The following KIT variants were observed in gnomAD, a reference collection of about 807,000 sequenced individuals.
The protein encoded by KIT is KIT proto-oncogene, receptor tyrosine kinase, also known as mast/stem cell growth factor receptor Kit.
In KIT, 16 loss-of-function variants were observed where a neutral mutation model predicts 105.7. The observed-to-expected ratio is 0.15, with a 90% confidence interval of 0.10 to 0.23. The LOEUF is 0.23. Among genes scored for constraint, KIT ranks in the 10% least tolerant of loss-of-function variants. KIT has a pLI of 1.00. For missense variants in KIT, 858 were observed against 1,213.8 expected (o/e 0.71, Z 4.36); for synonymous variants, 438 against 441.1 (o/e 0.99, Z 0.09).
At chr4:54,658,391 T>G (rs770241096) in intron 1 of KIT, among the ~76,000 whole-genome samples, 3 of 151,954 alleles carry the variant, frequency 2.0e-5, no homozygotes, top group Non-Finnish European at 4.4e-5. Context: ...GTGGCTTTTG[T>G]GCCGACGTTG....
At chr4:54,665,515 G>T (rs756464026) in intron 1 of KIT, among the ~76,000 whole-genome samples, 1 of 152,134 alleles carries the variant, frequency 6.6e-6, no homozygotes, top group African/African-American at 2.4e-5. Flanking sequence ...TAAGAGACAC[G>T]AGGAGGATAA....
At chr4:54,728,420 T>G (rs1385844595) in intron 13 of KIT, among the ~76,000 whole-genome samples, 1 of 152,186 alleles carries the variant, frequency 6.6e-6, no homozygotes, top group East Asian at 1.9e-4. Context: ...TCTTGTAAGC[T>G]TTATACATTT....
intron 7 of KIT, among the ~76,000 whole-genome samples, chr4:54,716,693 C>A (rs368184029): frequency 1.3e-5 from 2 of 152,050 alleles, no homozygotes; most frequent in Non-Finnish European, 2.9e-5. Context: ...AGGAGCGAGG[C>A]GGGACTCTGA....
In KIT at chr4:54,672,285, G is replaced by A. The variant is rs545520663; in HGVS notation, c.67+14204G>A. Among the ~76,000 whole-genome samples, 20 of 148,582 alleles carry A rather than the reference G, an allele frequency of 1.3e-4. No individual in the cohort carries two copies. In the East Asian group the frequency reaches 2.5e-3, roughly 19 times the overall value. On this transcript the variant is annotated intron_variant, in intron 1 of 20. Transcript: ENST00000288135. ...TTTCCTGTAAATTGGTGACTTAGAC[G>A]TTTGATCATACTCAGTTTGATTTTT... is the stretch of plus-strand genomic sequence containing the variant.
intron 3 of KIT, among the ~76,000 whole-genome samples, chr4:54,699,051 G>A (rs764132196): frequency 3.9e-5 from 6 of 152,182 alleles, no homozygotes; most frequent in African/African-American, 9.7e-5. Flanking sequence ...TGGTTGTGCC[G>A]TTATGTAGAA....
chr4:54,712,242 A>G (rs1346796063), intron 7 of KIT, among the ~76,000 whole-genome samples: 2 of 152,214 alleles, frequency 1.3e-5, no homozygotes, highest in East Asian at 1.9e-4. Context: ...AGAACAATAT[A>G]CAAAATACAA....
chr4:54,675,107 A>T (rs1462786219), intron 1 of KIT, among the ~76,000 whole-genome samples: 1 of 152,202 alleles, frequency 6.6e-6, no homozygotes, highest in Non-Finnish European at 1.5e-5. Context: ...TTCCAGAAAT[A>T]CTAAATTTCC....
chr4:54,699,471 C>T (rs922655643), intron 3 of KIT, among the ~76,000 whole-genome samples, 159 bp from the exon 4 acceptor site: 11 of 152,162 alleles, frequency 7.2e-5, no homozygotes, highest in Admixed American at 1.3e-4. Context: ...ATTGCTGGTA[C>T]CTTCAGATAT....
At chr4:54,710,726 G>T (rs1721100536) in intron 7 of KIT, among the ~76,000 whole-genome samples, 1 of 152,128 alleles carries the variant, frequency 6.6e-6, no homozygotes, top group Admixed American at 6.5e-5. Context: ...ATTTTTAGTA[G>T]AGATGGGGTT....
At chr4:54,722,855 T>A (rs916808009) in intron 7 of KIT, among the ~76,000 whole-genome samples, 12 of 132,016 alleles carry the variant, frequency 9.1e-5, no homozygotes, top group East Asian at 5.9e-4. Context: ...ATATATATTT[T>A]TATATATATG....
chr4:54,658,125 G>A (rs1269059631), intron 1 of KIT, 44 bp downstream of exon 1: 1 of 1,597,386 alleles, frequency 6.3e-7, no homozygotes, highest in South Asian at 1.1e-5. Flanking sequence ...ACTACTCGGC[G>A]AAGCCTGTGC....
chr4:54,738,455 C>A lies in KIT; in HGVS notation c.2829C>A (p.Ser943Arg). Residue 943 changes from serine (S) to arginine (R), a missense_variant, in exon 21 of 21, where the codon AGC (serine) becomes AGA (arginine). Ser to Arg is a moderately radical substitution (Grantham distance 110). Around this residue, in one of 7 missense-constraint regions of KIT, gnomAD observed 105 missense variants for 103.5 expected, o/e 1.01. Transcript: ENST00000288135. ...NHIYSNLANCSPNRQKPVVDH... is the reference protein window; with the variant it reads ...NHIYSNLANCRPNRQKPVVDH... Reference sequence around the variant, plus strand: ...TTTACTCCAACTTAGCAAACTGCAGCCCCAACCGACAGAAGCCCGTGGTAG... The same window carrying A: ...TTTACTCCAACTTAGCAAACTGCAGACCCAACCGACAGAAGCCCGTGGTAG... 1 of 1,614,028 alleles carries A rather than the reference C, an allele frequency of 6.2e-7. No homozygotes were observed. The highest frequency in any genetic ancestry group is 8.5e-7 in the Non-Finnish European group (1 of 1,179,970).
intron 7 of KIT, among the ~76,000 whole-genome samples, chr4:54,710,978 C>T (rs1721124115): frequency 6.6e-6 from 1 of 152,186 alleles, no homozygotes; most frequent in Admixed American, 6.5e-5. Context: ...CTCCTAGGCC[C>T]AAGAGATCCT....
At chr4:54,730,170 C>G (rs1722497473) in intron 14 of KIT, among the ~76,000 whole-genome samples, 1 of 152,140 alleles carries the variant, frequency 6.6e-6, no homozygotes. Context: ...CCTATTCTTT[C>G]TTTGGAAATG....
intron 4 of KIT, among the ~76,000 whole-genome samples, chr4:54,700,672 T>C (rs1466456959): frequency 1.3e-5 from 2 of 152,202 alleles, no homozygotes; most frequent in Non-Finnish European, 2.9e-5. Flanking sequence ...ATTTTCTTTC[T>C]CCTCCTCTTC....
intron 1 of KIT, among the ~76,000 whole-genome samples, chr4:54,694,413 G>A (rs1345015832): frequency 6.6e-6 from 1 of 152,134 alleles, no homozygotes; most frequent in African/African-American, 2.4e-5. Flanking sequence ...GTGCAGTGTT[G>A]CAATCACAGT....
intron 2 of KIT, chr4:54,695,982 G>T: frequency 1.6e-6 from 1 of 623,524 alleles, no homozygotes; most frequent in Admixed American, 2.8e-5. Flanking sequence ...CCAGCTGGAG[G>T]ACTGCAGGAC....
At chr4:54,699,315 A>G (rs922826144) in intron 3 of KIT, among the ~76,000 whole-genome samples, 8 of 152,158 alleles carry the variant, frequency 5.3e-5, no homozygotes, top group Non-Finnish European at 1.2e-4. Flanking sequence ...TGACACCATC[A>G]AGGTTGTCTG....
At chr4:54,699,857 G>C in intron 4 of KIT, 91 bp downstream of exon 4, 1 of 1,383,700 alleles carries the variant, frequency 7.2e-7, no homozygotes, top group African/African-American at 1.4e-5. Flanking sequence ...AAACTGCCTC[G>C]ACTAGTGCGT....
Sources: allele counts gnomAD v4.1 joint callset (sites outside exome capture counted in the v4.1 genomes callset), GRCh38; gene constraint gnomAD v4.1.1; regional missense constraint gnomAD v4.1.1; transcripts MANE v1.5; gene names NCBI Gene and HGNC (gene_info 2026-07-23, HGNC 2026-07-21).